The following DNAH3 variants were observed in gnomAD, a reference collection of about 807,000 sequenced individuals.
DNAH3 encodes axonemal beta dynein heavy chain 3.
A neutral mutation model predicts 432.5 loss-of-function variants in DNAH3; 332 were observed. The ratio of observed to expected loss-of-function variants is 0.77; its 90% CI spans 0.70 to 0.84. The LOEUF (loss-of-function observed/expected upper bound fraction) is 0.84. Among genes scored for constraint, DNAH3 ranks in the 40% least tolerant of loss-of-function variants. The pLI is 0.00. For missense variants in DNAH3, 4,861 were observed against 5,114.0 expected (o/e 0.95, Z 1.51); for synonymous variants, 1,956 against 1,900.2 (o/e 1.03, Z -0.76).
At chr16:21,153,392 A>C (rs1388098676) in intron 1 of DNAH3, among the ~76,000 whole-genome samples, 2 of 152,018 alleles carry the variant, frequency 1.3e-5, no homozygotes, top group African/African-American at 4.8e-5. Context: ...GTGTCTAGCT[A>C]ATCTGGTGGG....
At chr16:21,123,589 G>A in intron 9 of DNAH3, among the ~76,000 whole-genome samples, 1 of 152,108 alleles carries the variant, frequency 6.6e-6, no homozygotes, top group Non-Finnish European at 1.5e-5. Flanking sequence ...ATATTTTTGA[G>A]CAAAAGACCA....
At chr16:20,956,866 G>A (rs1165141559) in intron 54 of DNAH3, among the ~76,000 whole-genome samples, 4 of 152,052 alleles carry the variant, frequency 2.6e-5, no homozygotes, top group Non-Finnish European at 4.4e-5. Context: ...TGGGATTACA[G>A]ACATGCACCA....
At position 20,976,268 on chromosome 16, in the gene DNAH3, A is replaced by C. The variant is rs545815710; in HGVS notation, c.8077-853T>G. Among the ~76,000 whole-genome samples the C allele has an allele frequency of 2.6e-5, 4 of 151,220 alleles. 1 individual carries two copies. Among genetic ancestry groups the C allele is most frequent in the African/African-American group, 9.7e-5 (4 of 41,214 alleles). ...GCTGTAGTGGTGAGATCTCAGCTCA[A>C]TGCAACCTCTGCCTCCTGGGTTCAA... is the stretch of plus-strand genomic sequence containing the variant. On this transcript the variant is annotated intron_variant, in intron 50 of 61. Transcript: ENST00000261383.
intron 33 of DNAH3, among the ~76,000 whole-genome samples, chr16:21,038,460 G>A (rs986407000): frequency 2.0e-5 from 3 of 152,210 alleles, no homozygotes; most frequent in African/African-American, 7.2e-5. Flanking sequence ...CAAGGCTGCA[G>A]TGAGCTGTGA....
Position 20,936,873 on chromosome 16 carries a change from G to A in DNAH3, c.11655-20C>T, listed in dbSNP as rs1400363279. On this transcript the variant is annotated intron_variant, in intron 59 of 61. Coordinates refer to ENST00000261383, the Ensembl canonical transcript of DNAH3. ...GTCAGCCTGCAAGAACAGAGGAGCTGGCTGAGCTGGGCTCTCCGGTGGCCA... is the reference window on the plus strand; with the variant it reads ...GTCAGCCTGCAAGAACAGAGGAGCTAGCTGAGCTGGGCTCTCCGGTGGCCA... 1.3e-6 allele frequency: 2 copies of A among 1,591,958 alleles called. No homozygotes were observed. The highest frequency in any genetic ancestry group is 1.7e-6 in the Non-Finnish European group (2 of 1,167,780).
intron 49 of DNAH3, among the ~76,000 whole-genome samples, chr16:20,979,969 G>A (rs2085781050): frequency 6.6e-6 from 1 of 151,116 alleles, no homozygotes; most frequent in Non-Finnish European, 1.5e-5. Context: ...AGGCTAGTCT[G>A]AAACTCCTGA....
At chr16:21,157,837 C>T (rs1319252103) in intron 1 of DNAH3, among the ~76,000 whole-genome samples, 1 of 151,126 alleles carries the variant, frequency 6.6e-6, no homozygotes, top group Non-Finnish European at 1.5e-5. Flanking sequence ...CCATCATGCT[C>T]TATAGCAGTG....
intron 12 of DNAH3, among the ~76,000 whole-genome samples, chr16:21,112,882 GC>G (rs1260853240): frequency 6.6e-6 from 1 of 152,118 alleles, no homozygotes; most frequent in Non-Finnish European, 1.5e-5. Flanking sequence ...ACTTGCATGG[GC>G]CCTGTACCCC....
chr16:21,119,914 G>A (rs943669984), intron 11 of DNAH3, among the ~76,000 whole-genome samples: 7 of 151,810 alleles, frequency 4.6e-5, no homozygotes, highest in South Asian at 2.1e-4. Context: ...GGTATTGAAC[G>A]CCTGACCTCA....
chr16:20,945,554 T>C (rs1034411371), intron 57 of DNAH3, among the ~76,000 whole-genome samples: 28 of 152,038 alleles, frequency 1.8e-4, no homozygotes, highest in Admixed American at 1.2e-3. Flanking sequence ...GCAGTGGTAC[T>C]ATCTTGGCTC....
intron 54 of DNAH3, among the ~76,000 whole-genome samples, chr16:20,958,107 C>G (rs956153282): frequency 3.3e-5 from 5 of 149,488 alleles, no homozygotes; most frequent in African/African-American, 1.2e-4. Context: ...GGGTCTCACT[C>G]TGTCGCCCAG....
At chr16:20,975,847 C>G (rs1308076272) in intron 50 of DNAH3, among the ~76,000 whole-genome samples, 1 of 152,088 alleles carries the variant, frequency 6.6e-6, no homozygotes, top group Non-Finnish European at 1.5e-5. Context: ...TGGGTTCAAG[C>G]AATTCTCCTG....
At chr16:21,042,273 C>A in intron 31 of DNAH3, 70 bp from the exon 32 acceptor site, 1 of 1,453,316 alleles carries the variant, frequency 6.9e-7, no homozygotes, top group South Asian at 1.4e-5. Context: ...CTACCGGAGT[C>A]CTCCCACATA....
chr16:21,098,915 T>TTC (rs146692638), intron 16 of DNAH3, 146 bp from the exon 17 acceptor site: 16 of 781,146 alleles, frequency 2.0e-5, no homozygotes, highest in East Asian at 5.2e-5. Context: ...AACTCCATCT[T>TTC]TCTCTCTCTC....
chr16:20,970,003 T>C lies in DNAH3; in HGVS notation c.8260-13A>G, dbSNP rs765004586. The C allele has an allele frequency of 1.9e-6, 3 of 1,613,182 alleles. No homozygotes were observed. Among genetic ancestry groups the C allele is most frequent in the Non-Finnish European group, 8.5e-7 (1 of 1,179,932 alleles). On this transcript the variant is annotated splice_polypyrimidine_tract_variant and intron_variant, in intron 51 of 61. Transcript: ENST00000261383. Reference sequence around the variant, plus strand: ...CCTCACATTCGTTCTGTGGGCGGCATGAGGACAAAGGAGATGAGTGCCCAG... The same window carrying C: ...CCTCACATTCGTTCTGTGGGCGGCACGAGGACAAAGGAGATGAGTGCCCAG...
intron 57 of DNAH3, among the ~76,000 whole-genome samples, chr16:20,944,931 G>A (rs78090131): frequency 0.014 from 2,066 of 152,204 alleles, 27 homozygotes; most frequent in Non-Finnish European, 0.019. Flanking sequence ...CCTGGCTTTG[G>A]ACCCAAACAG....
At chr16:21,096,920 T>C (rs2091699650) in intron 18 of DNAH3, among the ~76,000 whole-genome samples, 1 of 152,204 alleles carries the variant, frequency 6.6e-6, no homozygotes, top group African/African-American at 2.4e-5. Context: ...TAGTAACCTC[T>C]TCCTCCCTGC....
chr16:21,104,550 GGTCT>G lies in DNAH3; in HGVS notation c.2285-2_2286del, dbSNP rs754524925. The G allele has an allele frequency of 1.2e-6, 2 of 1,613,778 alleles. No individual in the cohort carries two copies. The highest frequency in any genetic ancestry group is 3.3e-5 in the Admixed American group (2 of 60,012). ...CTGTTGTCAAAGATATCTTCAATCTGGTCTGGCCAGAGGAACAGAGTGCTGTTCA... is the reference window on the plus strand; with the variant it reads ...CTGTTGTCAAAGATATCTTCAATCTGGGCCAGAGGAACAGAGTGCTGTTCA... On this transcript the variant is annotated splice_acceptor_variant and coding_sequence_variant, in exon 16 of 62. Coordinates refer to ENST00000261383, the Ensembl canonical transcript of DNAH3. LOFTEE classifies it high-confidence loss of function.
At chr16:21,031,081 A>G (rs772556106) in exon 37 of DNAH3, 2 of 1,614,140 alleles carry the variant, frequency 1.2e-6, no homozygotes, top group Non-Finnish European at 1.7e-6. Context: ...TCATATTTTC[A>G]ATCCAAATAG....
Sources: gnomAD v4.1 joint callset for allele counts (sites outside exome capture counted in the v4.1 genomes callset) on GRCh38, gnomAD v4.1.1 for gene constraint, MANE v1.5 for transcripts, NCBI Gene and HGNC (gene_info 2026-07-23, HGNC 2026-07-21) for gene names.